The following CACNA1A variants were observed in gnomAD, a reference collection of about 807,000 sequenced individuals.
CACNA1A encodes the protein voltage-dependent P/Q-type calcium channel subunit alpha-1A.
CACNA1A carries 57 observed loss-of-function variants against 262.4 expected under a neutral mutation model. The ratio of observed to expected loss-of-function variants is 0.22; its 90% CI spans 0.18 to 0.27. The LOEUF (loss-of-function observed/expected upper bound fraction) is 0.27. Ranked by LOEUF, CACNA1A falls within the 10% of genes least tolerant of loss-of-function variation. The pLI is 1.00. For missense variants in CACNA1A, 2,526 were observed against 3,562.8 expected (o/e 0.71, Z 7.41); for synonymous variants, 1,431 against 1,419.3 (o/e 1.01, Z -0.18).
intron 6 of CACNA1A, among the ~76,000 whole-genome samples, chr19:13,347,478 G>C (rs1489520954): frequency 6.6e-6 from 1 of 152,074 alleles, no homozygotes; most frequent in African/African-American, 2.4e-5. Flanking sequence ...CTCTAAGGCA[G>C]TGATCCACAA....
chr19:13,484,127 C>T (rs1394100125), intron 1 of CACNA1A, among the ~76,000 whole-genome samples: 1 of 152,088 alleles, frequency 6.6e-6, no homozygotes, highest in Non-Finnish European at 1.5e-5. Flanking sequence ...TCAAGAGTGC[C>T]AATTAACTTC....
intron 3 of CACNA1A, among the ~76,000 whole-genome samples, chr19:13,399,394 GAGA>G (rs74375569): frequency 0.22 from 32,196 of 143,320 alleles, 5,977 homozygotes; most frequent in African/African-American, 0.48. Flanking sequence ...ATCCAAAAAT[GAGA>G]AGAAGAAGAA....
chr19:13,258,958 G>A (rs1018430660), intron 27 of CACNA1A: 1 of 151,562 alleles, frequency 6.6e-6, no homozygotes, highest in Admixed American at 6.6e-5. Context: ...TCAGGGATAG[G>A]GGTCTCCTTC....
chr19:13,291,633 TAA>T (rs3981952), intron 19 of CACNA1A, among the ~76,000 whole-genome samples: 22 of 97,340 alleles, frequency 2.3e-4, no homozygotes, highest in Admixed American at 4.6e-4. Flanking sequence ...ACCCCATCTC[TAA>T]AAAAAAAAAA....
At position 13,259,705 on chromosome 19, in the gene CACNA1A, C is replaced by T. The variant is rs201785699; in HGVS notation, c.4251-4G>A. The T allele has an allele frequency of 3.8e-5, 61 of 1,610,818 alleles. No individual in the cohort carries two copies. Among genetic ancestry groups the T allele is most frequent in the Non-Finnish European group, 4.9e-5 (58 of 1,178,600 alleles). ...CTCGTAGAGGAGGTATTTGCCTCTG[C>T]CACAGAGAGTGGGGACTGTTAGTAA... On this transcript the variant is annotated splice_region_variant and splice_polypyrimidine_tract_variant and intron_variant, in intron 26 of 46. Coordinates refer to ENST00000360228, the MANE Select transcript of CACNA1A (RefSeq NM_001127222.2).
At chr19:13,324,079 T>C (rs958823156) in intron 10 of CACNA1A, among the ~76,000 whole-genome samples, 3 of 152,210 alleles carry the variant, frequency 2.0e-5, no homozygotes, top group Non-Finnish European at 4.4e-5. Flanking sequence ...AATTCTGTAA[T>C]GTGTGACAAC....
At chr19:13,257,694 G>T in intron 27 of CACNA1A, 143 bp from the exon 28 acceptor site, 1 of 499,608 alleles carries the variant, frequency 2.0e-6, no homozygotes, top group Admixed American at 3.5e-5. Context: ...TTAAGTAGTC[G>T]CTGTTTTTTG....
chr19:13,344,970 G>C (rs2058739336), intron 6 of CACNA1A, among the ~76,000 whole-genome samples: 1 of 151,958 alleles, frequency 6.6e-6, no homozygotes. Context: ...TGTTGGCCAG[G>C]CTGGTCTTGA....
chr19:13,292,842 T>C (rs957935076), intron 19 of CACNA1A, among the ~76,000 whole-genome samples: 1 of 151,460 alleles, frequency 6.6e-6, no homozygotes, highest in Non-Finnish European at 1.5e-5. Context: ...GATCTTGAAT[T>C]TTTTTCTCTT....
At chr19:13,301,044 C>T (rs1223099864) in intron 17 of CACNA1A, among the ~76,000 whole-genome samples, 5 of 152,066 alleles carry the variant, frequency 3.3e-5, no homozygotes, top group African/African-American at 1.2e-4. Flanking sequence ...AACTCCTGGG[C>T]TCAAGCAATC....
intron 3 of CACNA1A, among the ~76,000 whole-genome samples, chr19:13,442,566 A>T (rs73925308): frequency 6.6e-6 from 1 of 152,178 alleles, no homozygotes; most frequent in African/African-American, 2.4e-5. Context: ...CAAGAATTTA[A>T]GTTTTTTTCC....
At chr19:13,283,708 G>GTAT (rs2057341540) in intron 21 of CACNA1A, 1 of 224,178 alleles carries the variant, frequency 4.5e-6, no homozygotes, top group Non-Finnish European at 8.9e-6. Context: ...TAATTCTGTA[G>GTAT]GAGATAAAAA....
chr19:13,359,756 C>G lies in CACNA1A; in HGVS notation c.828G>C (p.Glu276Asp). ...GESPAPCGTE[E>D]PARTCPNGTK... The stretch of plus-strand genomic sequence containing the variant: ...TCCCATTGGGGCAGGTGCGGGCGGG[C>G]TCTTCTGTCCCACATGGAGCCGGAG... Residue 276 changes from glutamate to aspartate, a missense_variant, in exon 6 of 47, where the codon GAG (glutamate) becomes GAC (aspartate). Transcript: ENST00000360228. The G allele has an allele frequency of 6.4e-7, 1 of 1,555,728 alleles. No homozygotes were observed. The highest frequency in any genetic ancestry group is 8.7e-7 in the Non-Finnish European group (1 of 1,149,052).
intron 1 of CACNA1A, among the ~76,000 whole-genome samples, chr19:13,471,432 C>T (rs935987506): frequency 6.6e-6 from 1 of 152,156 alleles, no homozygotes; most frequent in Non-Finnish European, 1.5e-5. Flanking sequence ...AAGAGACCTT[C>T]CCAGTTCCTA....
chr19:13,440,028 C>T (rs986638220), intron 3 of CACNA1A, among the ~76,000 whole-genome samples: 3 of 152,164 alleles, frequency 2.0e-5, no homozygotes, highest in Admixed American at 6.5e-5. Flanking sequence ...GGCACTATCA[C>T]GGCTCACTGC....
intron 3 of CACNA1A, among the ~76,000 whole-genome samples, chr19:13,417,188 C>T (rs905917346): frequency 1.3e-5 from 2 of 152,124 alleles, no homozygotes; most frequent in African/African-American, 4.8e-5. Context: ...CTCACTGGAC[C>T]TTGGAAGTCA....
intron 1 of CACNA1A, among the ~76,000 whole-genome samples, chr19:13,469,264 A>G (rs1171060328): frequency 1.3e-5 from 2 of 152,172 alleles, no homozygotes; most frequent in African/African-American, 4.8e-5. Flanking sequence ...ACCTGTTAAC[A>G]TTTGATGACC....
intron 20 of CACNA1A, among the ~76,000 whole-genome samples, chr19:13,285,951 CA>C (rs1296789007): frequency 2.2e-5 from 3 of 137,444 alleles, no homozygotes; most frequent in South Asian, 4.8e-4. Context: ...AGCAGTTCAC[CA>C]TTTTTTTTTT....
At chr19:13,261,393 T>A (rs1384605460) in intron 26 of CACNA1A, 57 bp downstream of exon 26, 6 of 1,487,934 alleles carry the variant, frequency 4.0e-6, no homozygotes, top group Admixed American at 4.1e-5. Flanking sequence ...CTCTAGCCAC[T>A]TCCCCCCTGC....
Sources: allele counts gnomAD v4.1 joint callset (sites outside exome capture counted in the v4.1 genomes callset), GRCh38; gene constraint gnomAD v4.1.1; transcripts MANE v1.5; gene names NCBI Gene and HGNC (gene_info 2026-07-23, HGNC 2026-07-21).